TANC1: variants seen among roughly 807,000 people sequenced by gnomAD.
TANC1 encodes protein TANC1.
In TANC1, 77 loss-of-function variants were observed where a neutral mutation model predicts 149.7. The observed-to-expected ratio is 0.51, with a 90% CI of 0.43 to 0.62. The LOEUF is 0.62. TANC1 is among the 20% of genes least tolerant of loss of function. The pLI is 0.00. For synonymous variants in TANC1, 854 were observed against 925.0 expected (o/e 0.92, Z 1.39); for missense variants, 1,985 against 2,321.8 (o/e 0.85, Z 2.98).
intron 20 of TANC1, among the ~76,000 whole-genome samples, 198 bp from the exon 21 acceptor site, chr2:159,219,040 A>T (rs2059522390): frequency 6.6e-6 from 1 of 152,234 alleles, no homozygotes; most frequent in South Asian, 2.1e-4. Context: ...GGCATGTTAA[A>T]AAGAGTGCAT....
intron 4 of TANC1, among the ~76,000 whole-genome samples, chr2:159,099,946 A>G (rs1039049963): frequency 1.3e-5 from 2 of 152,200 alleles, no homozygotes; most frequent in African/African-American, 4.8e-5. Flanking sequence ...CTGCCCTACT[A>G]TGCTTTTAAA....
intron 14 of TANC1, among the ~76,000 whole-genome samples, chr2:159,182,955 G>C (rs984884119): frequency 2.0e-5 from 3 of 152,244 alleles, no homozygotes; most frequent in Non-Finnish European, 2.9e-5. Context: ...AGCTATTGAA[G>C]ACGTCGCATC....
At chr2:159,134,821 T>C (rs1044200459) in intron 4 of TANC1, among the ~76,000 whole-genome samples, 2 of 151,630 alleles carry the variant, frequency 1.3e-5, no homozygotes, top group African/African-American at 4.8e-5. Context: ...AGGTCTTCAC[T>C]GTGTTGCCCA....
chr2:159,081,754 G>A (rs1383978563), intron 3 of TANC1, among the ~76,000 whole-genome samples: 1 of 152,186 alleles, frequency 6.6e-6, no homozygotes, highest in Non-Finnish European at 1.5e-5. Flanking sequence ...TGGAGGGGCG[G>A]GGCAGAAACC....
At chr2:159,159,898 A>ATAG (rs988137943) in intron 7 of TANC1, among the ~76,000 whole-genome samples, 1 of 152,038 alleles carries the variant, frequency 6.6e-6, no homozygotes, top group African/African-American at 2.4e-5. Context: ...ATGTGTGCCT[A>ATAG]TAGTCCCAGC....
intron 4 of TANC1, among the ~76,000 whole-genome samples, chr2:159,126,963 T>G (rs1244366358): frequency 1.3e-5 from 2 of 152,268 alleles, no homozygotes; most frequent in African/African-American, 4.8e-5. Context: ...GAGAACAGCA[T>G]GACAGATTGC....
intron 3 of TANC1, among the ~76,000 whole-genome samples, chr2:159,095,133 A>G (rs141216234): frequency 0.052 from 7,820 of 151,632 alleles, 642 homozygotes; most frequent in African/African-American, 0.17. Context: ...TTTTTAGTAG[A>G]GACAGGGTTT....
At chr2:159,046,819 G>GT (rs1224914897) in intron 2 of TANC1, among the ~76,000 whole-genome samples, 2 of 151,706 alleles carry the variant, frequency 1.3e-5, no homozygotes. Flanking sequence ...ACCCAGGCTG[G>GT]TCTCAAACTT....
At chr2:159,191,300 T>TTCTGTA (rs1275895683) in intron 16 of TANC1, among the ~76,000 whole-genome samples, 1 of 152,172 alleles carries the variant, frequency 6.6e-6, no homozygotes, top group East Asian at 1.9e-4. Context: ...CTCTGTGAAC[T>TTCTGTA]TCTGTATCGT....
chr2:159,124,807 A>G (rs181015683), intron 4 of TANC1, among the ~76,000 whole-genome samples: 4 of 151,194 alleles, frequency 2.6e-5, no homozygotes, highest in South Asian at 2.1e-4. Flanking sequence ...TAGCATGAGC[A>G]TGACTCACTG....
chr2:159,065,796 T>G (rs12621250), intron 2 of TANC1, 100 bp from the exon 3 acceptor site: 1 of 864,842 alleles, frequency 1.2e-6, no homozygotes, highest in South Asian at 1.5e-5. Flanking sequence ...TATTAAGCGG[T>G]CTGTTTGTTT....
At chr2:159,146,520 T>C (rs2052105464) in intron 5 of TANC1, among the ~76,000 whole-genome samples, 1 of 150,208 alleles carries the variant, frequency 6.7e-6, no homozygotes, top group Non-Finnish European at 1.5e-5. Context: ...GATCATGAAT[T>C]TGGGTGTCCC....
chr2:159,047,094 C>G (rs1046848548), intron 2 of TANC1, among the ~76,000 whole-genome samples: 1 of 152,034 alleles, frequency 6.6e-6, no homozygotes, highest in African/African-American at 2.4e-5. Context: ...CCAGGTCTCT[C>G]TGAATTCATC....
In TANC1 at chr2:159,097,726, A is replaced by T. The variant is rs2046278428; in HGVS notation, c.151A>T (p.Thr51Ser). ...PVSSLPTAED[T>S]YRVSLAKGVS... ...GAGCAGTCTTCCCACAGCAGAGGAC[A>T]CCTATAGGGTGAGCTTGGCCAAAGG... Residue 51 changes from threonine (T) to serine (S), a missense_variant, in exon 4 of 27, where the codon ACC becomes TCC. Around this residue, in one of 3 missense-constraint regions of TANC1, gnomAD observed 557 missense variants for 612.9 expected, o/e 0.91. Coordinates refer to ENST00000263635, the MANE Select transcript of TANC1 (RefSeq NM_033394.3). The T allele has an allele frequency of 6.2e-7, 1 of 1,613,922 alleles. No individual in the cohort carries two copies. Among genetic ancestry groups the T allele is most frequent in the South Asian group, 1.1e-5 (1 of 91,070 alleles).
At chr2:159,189,740 T>A (rs1181107462) in intron 16 of TANC1, among the ~76,000 whole-genome samples, 5 of 152,160 alleles carry the variant, frequency 3.3e-5, no homozygotes, top group Non-Finnish European at 7.3e-5. Context: ...TATCACTTGA[T>A]GTGTTTACAG....
chr2:159,057,607 G>A (rs537169501), intron 2 of TANC1, among the ~76,000 whole-genome samples: 43 of 152,302 alleles, frequency 2.8e-4, no homozygotes, highest in African/African-American at 1.0e-3. Context: ...AAGGATAACA[G>A]TCTGTTTTTA....
Position 158,990,847 on chromosome 2 carries a change from C to T in TANC1, c.-125-10233C>T, listed in dbSNP as rs987659814. Among the ~76,000 whole-genome samples the T allele has an allele frequency of 3.3e-5, 5 of 151,834 alleles. No individual in the cohort carries two copies. The South Asian group carries it at 6.2e-4, about 19-fold the overall frequency. On this transcript the variant is annotated intron_variant, in intron 1 of 26. Transcript: ENST00000263635. ...CAGCTCTTTGGGAGGCCAGGGTGGG[C>T]GGATTGCTTGAGCTCAGGAGTTTGA...
intron 12 of TANC1, among the ~76,000 whole-genome samples, chr2:159,175,602 G>A (rs2055763091): frequency 6.6e-6 from 1 of 152,200 alleles, no homozygotes; most frequent in Admixed American, 6.5e-5. Flanking sequence ...AAACCTTAAA[G>A]TGACTTCTAA....
chr2:159,150,247 GA>G (rs2052631342), intron 6 of TANC1, 122 bp from the exon 7 acceptor site: 1 of 731,518 alleles, frequency 1.4e-6, no homozygotes, highest in South Asian at 1.9e-5. Flanking sequence ...TATCTCTTTA[GA>G]TTTTTTTTTT....
Sources: gnomAD v4.1 joint callset for allele counts (sites outside exome capture counted in the v4.1 genomes callset) on GRCh38, gnomAD v4.1.1 for gene constraint, gnomAD v4.1.1 regional missense constraint, MANE v1.5 for transcripts, NCBI Gene and HGNC (gene_info 2026-07-23, HGNC 2026-07-21) for gene names.